Variants in SLC39A11 observed in about 807,000 individuals in gnomAD.
The protein encoded by SLC39A11 is zinc transporter ZIP11.
Under a neutral mutation model 36.1 loss-of-function variants are expected in SLC39A11, and 33 were observed. The observed-to-expected ratio is 0.91, with a 90% CI of 0.69 to 1.22. The LOEUF (loss-of-function observed/expected upper bound fraction) is 1.22, where lower values mean the gene tolerates loss of function less well. Among genes scored for constraint, SLC39A11 ranks in the 50% most tolerant of loss-of-function variants. The pLI is 0.00. For missense variants in SLC39A11, 432 were observed against 430.3 expected (o/e 1.00, Z -0.03); for synonymous variants, 166 against 170.3 (o/e 0.97, Z 0.20).
At chr17:72,988,304 C>T (rs567966168) in intron 4 of SLC39A11, among the ~76,000 whole-genome samples, 1 of 152,170 alleles carries the variant, frequency 6.6e-6, no homozygotes, top group Non-Finnish European at 1.5e-5. Flanking sequence ...AACACACACA[C>T]ACACAAATTG....
intron 4 of SLC39A11, among the ~76,000 whole-genome samples, chr17:73,029,313 T>A (rs879647901): frequency 6.6e-6 from 1 of 151,670 alleles, no homozygotes; most frequent in Non-Finnish European, 1.5e-5. Context: ...GGAAGCCCAG[T>A]TGGGTGCAGG....
At chr17:72,774,310 AT>A (rs1411613292) in intron 6 of SLC39A11, among the ~76,000 whole-genome samples, 1 of 152,180 alleles carries the variant, frequency 6.6e-6, no homozygotes, top group African/African-American at 2.4e-5. Flanking sequence ...GGCTGCACTG[AT>A]TTATGTCTTG....
intron 1 of SLC39A11, among the ~76,000 whole-genome samples, chr17:73,090,944 T>C (rs1201545961): frequency 6.6e-6 from 1 of 152,160 alleles, no homozygotes; most frequent in Non-Finnish European, 1.5e-5. Flanking sequence ...AAGTTTCTTC[T>C]CTATTTGCTG....
intron 7 of SLC39A11, among the ~76,000 whole-genome samples, chr17:72,698,064 G>T (rs1031596286): frequency 3.9e-5 from 6 of 152,200 alleles, no homozygotes; most frequent in East Asian, 1.9e-4. Context: ...CTTGTTCTAC[G>T]CGGGCCTGGT....
chr17:72,860,667 T>G (rs1453475412), intron 5 of SLC39A11, among the ~76,000 whole-genome samples: 1 of 152,176 alleles, frequency 6.6e-6, no homozygotes, highest in Admixed American at 6.5e-5. Context: ...TTCTTACTTC[T>G]TCAGGATTCT....
intron 3 of SLC39A11, among the ~76,000 whole-genome samples, chr17:73,053,046 C>T (rs948554156): frequency 1.3e-5 from 2 of 152,108 alleles, no homozygotes; most frequent in African/African-American, 4.8e-5. Flanking sequence ...GTATTCTAAT[C>T]TTTTTCTTGT....
intron 5 of SLC39A11, among the ~76,000 whole-genome samples, chr17:72,852,797 C>T (rs1299053703): frequency 6.6e-6 from 1 of 152,152 alleles, no homozygotes. Context: ...GGATTTCAAG[C>T]TCACAAATGC....
intron 7 of SLC39A11, among the ~76,000 whole-genome samples, chr17:72,691,149 T>G (rs2144427536): frequency 6.6e-6 from 1 of 152,284 alleles, no homozygotes. Context: ...AGATGCTGAC[T>G]CTGGAGGTGA....
intron 9 of SLC39A11, among the ~76,000 whole-genome samples, chr17:72,648,024 T>C (rs2069647356): frequency 6.6e-6 from 1 of 152,086 alleles, no homozygotes; most frequent in South Asian, 2.1e-4. Context: ...GCCTCAGAGT[T>C]ATTCTTCTAT....
intron 3 of SLC39A11, chr17:73,067,820 C>T: frequency 6.6e-7 from 1 of 1,519,836 alleles, no homozygotes; most frequent in Non-Finnish European, 9.1e-7. Context: ...AGAGCTGTCT[C>T]TTCTGTGAAA....
chr17:73,054,026 C>A (rs2059589229), intron 3 of SLC39A11, among the ~76,000 whole-genome samples: 1 of 152,038 alleles, frequency 6.6e-6, no homozygotes, highest in Admixed American at 6.6e-5. Flanking sequence ...CATGGGGGGT[C>A]TGGAAAAATC....
At chr17:72,692,532 G>T (rs896787839) in intron 7 of SLC39A11, among the ~76,000 whole-genome samples, 1 of 152,188 alleles carries the variant, frequency 6.6e-6, no homozygotes, top group African/African-American at 2.4e-5. Flanking sequence ...AGAGGTAAAA[G>T]TGGAAATCCC....
chr17:72,651,493 G>A (rs1326628921), intron 7 of SLC39A11, among the ~76,000 whole-genome samples: 2 of 152,312 alleles, frequency 1.3e-5, no homozygotes, highest in African/African-American at 4.8e-5. Context: ...AGCAACACAG[G>A]ACAGGAGTAA....
At chr17:73,057,565 C>T (rs773352946) in intron 3 of SLC39A11, among the ~76,000 whole-genome samples, 4 of 152,210 alleles carry the variant, frequency 2.6e-5, no homozygotes, top group Non-Finnish European at 4.4e-5. Context: ...TCTTTAGCCA[C>T]TTTTATGGTT....
At chr17:72,754,298 G>T (rs2075287319) in intron 6 of SLC39A11, among the ~76,000 whole-genome samples, 1 of 151,980 alleles carries the variant, frequency 6.6e-6, no homozygotes. Context: ...CTTGGGAAAG[G>T]GTGGGAAGGG....
At chr17:72,953,221 T>C (rs1002615174) in intron 4 of SLC39A11, among the ~76,000 whole-genome samples, 2 of 151,880 alleles carry the variant, frequency 1.3e-5, no homozygotes, top group Admixed American at 1.3e-4. Context: ...TTCTTCTTGG[T>C]GGGGGGCCAA....
intron 7 of SLC39A11, among the ~76,000 whole-genome samples, chr17:72,695,697 T>C (rs1448326097): frequency 6.6e-6 from 1 of 152,088 alleles, no homozygotes; most frequent in Non-Finnish European, 1.5e-5. Context: ...GGCCCTGAAT[T>C]CAATGACGAG....
chr17:72,733,225 T>G (rs1248986386), intron 7 of SLC39A11, among the ~76,000 whole-genome samples: 1 of 152,234 alleles, frequency 6.6e-6, no homozygotes, highest in East Asian at 1.9e-4. Context: ...CATCTGGCAT[T>G]TCTTTCTCCT....
At chr17:73,079,708 G>A (rs749145637) in intron 3 of SLC39A11, among the ~76,000 whole-genome samples, 10 of 152,092 alleles carry the variant, frequency 6.6e-5, no homozygotes, top group Non-Finnish European at 1.0e-4. Flanking sequence ...GTCAAACATC[G>A]CTGTTTGCCG....
Sources: allele counts gnomAD v4.1 joint callset (sites outside exome capture counted in the v4.1 genomes callset), GRCh38; gene constraint gnomAD v4.1.1; transcripts MANE v1.5; gene names NCBI Gene and HGNC (gene_info 2026-07-23, HGNC 2026-07-21).